EVC: variants seen among roughly 807,000 people sequenced by gnomAD.
The protein encoded by EVC is evC complex member EVC.
EVC carries 116 observed loss-of-function variants against 118.9 expected under a neutral mutation model. The observed-to-expected ratio is 0.98, with a 90% confidence interval of 0.84 to 1.14. The LOEUF (loss-of-function observed/expected upper bound fraction) is 1.14. Ranked by LOEUF, EVC falls within the 50% of genes most tolerant of loss-of-function variation. The pLI, the probability that EVC is intolerant of heterozygous loss-of-function variation, is 0.00. For synonymous variants in EVC, 619 were observed against 534.7 expected, an observed-to-expected ratio of 1.16 and a Z score of -2.18; for missense variants, 1,401 against 1,246.4, an observed-to-expected ratio of 1.12 and a Z score of -1.87.
chr4:5,782,606 T>G (rs1486717870), intron 11 of EVC, among the ~76,000 whole-genome samples: 2 of 147,864 alleles, frequency 1.4e-5, no homozygotes, highest in Non-Finnish European at 3.0e-5. Flanking sequence ...AATATTATTA[T>G]TATGGTGTGG....
rs559321287 is a variant in EVC, at chr4:5,743,473, A to C, written c.801+1659A>C. On this transcript the variant is annotated intron_variant, in intron 6 of 20. Coordinates refer to ENST00000264956, the MANE Select transcript of EVC (RefSeq NM_153717.3). This position sits in a 1 kb window ranked among gnomAD's most constrained non-coding sequence, Gnocchi z 4.7. ...TCGCATCATTGTTGTGATAGTCTTC[A>C]TCAGCACCACCATCATCACCATCTT... 1.3e-5 allele frequency among the ~76,000 whole-genome samples: 2 copies of C among 152,188 alleles called. No homozygotes were observed. The highest frequency in any genetic ancestry group is 4.8e-5 in the African/African-American group (2 of 41,486).
intron 3 of EVC, among the ~76,000 whole-genome samples, chr4:5,729,599 C>A (rs922332110): frequency 4.6e-5 from 7 of 152,128 alleles, no homozygotes; most frequent in African/African-American, 1.7e-4. Context: ...CTTGTATCCC[C>A]AGGGACACGA....
chr4:5,727,155 C>G (rs1419465162), intron 2 of EVC, among the ~76,000 whole-genome samples: 3 of 151,778 alleles, frequency 2.0e-5, no homozygotes, highest in East Asian at 1.9e-4. Context: ...ACACTGACTT[C>G]CACAATGGTT....
At chr4:5,744,583 G>C (rs1729073131) in intron 6 of EVC, among the ~76,000 whole-genome samples, 1 of 152,118 alleles carries the variant, frequency 6.6e-6, no homozygotes, top group Admixed American at 6.5e-5. Context: ...TGGCTTACAT[G>C]CACAGCTATC....
intron 11 of EVC, 29 bp from the exon 12 acceptor site, chr4:5,783,523 G>C (rs1735945523): frequency 6.2e-7 from 1 of 1,612,432 alleles, no homozygotes; most frequent in East Asian, 2.2e-5. Flanking sequence ...GCCGTGACCT[G>C]TAACCCCATC....
At chr4:5,790,766 A>G (rs1372832575) in intron 12 of EVC, among the ~76,000 whole-genome samples, 1 of 152,210 alleles carries the variant, frequency 6.6e-6, no homozygotes, top group Non-Finnish European at 1.5e-5. Flanking sequence ...GAAACAAAAC[A>G]AGACACTGAA....
intron 13 of EVC, among the ~76,000 whole-genome samples, chr4:5,795,789 A>G (rs1031314299): frequency 6.6e-6 from 1 of 152,242 alleles, no homozygotes; most frequent in Admixed American, 6.5e-5. Context: ...TTTTAATTGC[A>G]TTAATGTTTA....
intron 2 of EVC, among the ~76,000 whole-genome samples, chr4:5,724,096 TA>T: frequency 6.6e-6 from 1 of 152,216 alleles, no homozygotes; most frequent in Non-Finnish European, 1.5e-5. Flanking sequence ...CGCAGCACCA[TA>T]AGGTGGGCAT....
chr4:5,781,527 C>T (rs1735595286), intron 11 of EVC, among the ~76,000 whole-genome samples: 2 of 151,884 alleles, frequency 1.3e-5, no homozygotes, highest in Admixed American at 6.6e-5. Context: ...GGAGATGGGG[C>T]AAAAGGAGTG....
At chr4:5,757,492 C>T (rs1229464435) in intron 11 of EVC, among the ~76,000 whole-genome samples, 2 of 152,246 alleles carry the variant, frequency 1.3e-5, no homozygotes, top group African/African-American at 4.8e-5. Context: ...GTGGGTTAAA[C>T]AACAGAAAAG....
chr4:5,765,823 G>A (rs6815505), intron 11 of EVC, among the ~76,000 whole-genome samples: 61,909 of 146,858 alleles, frequency 0.42, 13,378 homozygotes, highest in East Asian at 0.49. Context: ...GGTTTCCTGA[G>A]TACAGCACAC....
intron 8 of EVC, 116 bp from the exon 9 acceptor site, chr4:5,752,720 C>G (rs1305547585): frequency 9.5e-7 from 1 of 1,058,064 alleles, no homozygotes; most frequent in Non-Finnish European, 1.5e-6. Flanking sequence ...GAGCTCCGCT[C>G]TCCCAGGCAG....
chr4:5,741,592 T>C (rs758963477), intron 5 of EVC, 124 bp from the exon 6 acceptor site: 35 of 627,766 alleles, frequency 5.6e-5, no homozygotes, highest in Non-Finnish European at 9.6e-5. Context: ...GAAGAGAGGG[T>C]GAAAGAGAAG....
rs1443611274 is a variant in EVC, at chr4:5,731,760, G to A, written c.617+103G>A. The A allele has an allele frequency of 3.4e-6, 4 of 1,187,350 alleles. No homozygotes were observed. The highest frequency in any genetic ancestry group is 4.9e-6 in the Non-Finnish European group (4 of 818,162). The allele number at this position is 1,187,350 out of a possible 1,614,324, so 73.6% of individuals were successfully genotyped here. A position where few individuals can be genotyped will look rare whatever the true frequency, so the allele number is the denominator to read the frequency against. ...GGAAACAGAGGCCCAGAGAGGTTCA[G>A]TGACTCTGCCAGGGACACACAGCGA... On this transcript the variant is annotated intron_variant, in intron 4 of 20. Transcript: ENST00000264956. This position sits in a 1 kb window ranked among gnomAD's most constrained non-coding sequence, Gnocchi z 5.6.
chr4:5,794,723 T>C (rs1264235237), intron 13 of EVC, among the ~76,000 whole-genome samples: 4 of 152,148 alleles, frequency 2.6e-5, no homozygotes, highest in Non-Finnish European at 4.4e-5. Context: ...GAAAAAAATT[T>C]TTGATATAGC....
chr4:5,796,273 G>A (rs1040491343), intron 13 of EVC, among the ~76,000 whole-genome samples: 18 of 151,986 alleles, frequency 1.2e-4, no homozygotes, highest in African/African-American at 3.1e-4. Context: ...CTGATATCTC[G>A]TGGGCATGTT....
chr4:5,801,562 C>T (rs1577636286), intron 15 of EVC, among the ~76,000 whole-genome samples: 1 of 151,810 alleles, frequency 6.6e-6, no homozygotes, highest in South Asian at 2.1e-4. Context: ...TGCCTATAAT[C>T]CCAGATACTT....
intron 11 of EVC, among the ~76,000 whole-genome samples, chr4:5,770,355 G>A (rs575769229): frequency 4.6e-5 from 7 of 152,284 alleles, no homozygotes; most frequent in South Asian, 4.2e-4. Flanking sequence ...TATCAAGGCC[G>A]CCAGGTCAGC....
At chr4:5,729,269 A>G (rs1361447175) in intron 2 of EVC, 38 bp from the exon 3 acceptor site, 2 of 1,600,224 alleles carry the variant, frequency 1.2e-6, no homozygotes, top group Non-Finnish European at 1.7e-6. Context: ...TTCATTTTAC[A>G]GAAAGTTTCC....
Sources: allele counts gnomAD v4.1 joint callset (sites outside exome capture counted in the v4.1 genomes callset), GRCh38; gene constraint gnomAD v4.1.1; non-coding constraint Gnocchi (gnomAD v3.1); transcripts MANE v1.5; gene names NCBI Gene and HGNC (gene_info 2026-07-23, HGNC 2026-07-21).